TMEM132B: variants seen among roughly 807,000 people sequenced by gnomAD.
TMEM132B encodes the protein transmembrane protein 132B.
A neutral mutation model predicts 90.8 loss-of-function variants in TMEM132B; 18 were observed. The observed-to-expected ratio is 0.20, with a 90% CI of 0.14 to 0.29. The LOEUF (loss-of-function observed/expected upper bound fraction) is 0.29, where lower values mean the gene tolerates loss of function less well. TMEM132B is among the 10% of genes least tolerant of loss of function. The pLI is 1.00. For missense variants in TMEM132B, 1,096 were observed against 1,326.8 expected (o/e 0.83, Z 2.70); for synonymous variants, 504 against 523.3 (o/e 0.96, Z 0.50).
chr12:125,419,299 A>G (rs374074402), intron 3 of TMEM132B, among the ~76,000 whole-genome samples: 7 of 152,244 alleles, frequency 4.6e-5, no homozygotes, highest in South Asian at 4.1e-4. Context: ...TAATTAAGAC[A>G]TACCCAAGAC....
At chr12:125,510,954 C>T (rs1882961406) in intron 3 of TMEM132B, among the ~76,000 whole-genome samples, 1 of 152,102 alleles carries the variant, frequency 6.6e-6, no homozygotes, top group Non-Finnish European at 1.5e-5. Flanking sequence ...GTGAACAATT[C>T]AGTCGTTTTT....
intron 5 of TMEM132B, among the ~76,000 whole-genome samples, chr12:125,626,880 A>T (rs78334474): frequency 6.7e-6 from 1 of 149,224 alleles, no homozygotes; most frequent in Non-Finnish European, 1.5e-5. Flanking sequence ...GTTTTTTCAA[A>T]TATTTTTTGA....
At chr12:125,400,677 T>C (rs575252468) in intron 2 of TMEM132B, among the ~76,000 whole-genome samples, 1 of 152,208 alleles carries the variant, frequency 6.6e-6, no homozygotes, top group Non-Finnish European at 1.5e-5. Context: ...AGGTGCTTAG[T>C]GGGAGATGCA....
At chr12:125,309,762 A>G (rs972002739) in intron 1 of TMEM132B, among the ~76,000 whole-genome samples, 3 of 152,176 alleles carry the variant, frequency 2.0e-5, no homozygotes, top group Non-Finnish European at 4.4e-5. Context: ...CTTATGATCA[A>G]TTGCTGCATA....
chr12:125,520,468 A>G (rs1167340787), intron 4 of TMEM132B, among the ~76,000 whole-genome samples: 2 of 152,142 alleles, frequency 1.3e-5, no homozygotes, highest in African/African-American at 2.4e-5. Context: ...ACTCCTTTGA[A>G]CCCTATATCT....
At chr12:125,501,150 T>C (rs1312747885) in intron 3 of TMEM132B, among the ~76,000 whole-genome samples, 1 of 152,238 alleles carries the variant, frequency 6.6e-6, no homozygotes, top group Non-Finnish European at 1.5e-5. Flanking sequence ...AACAGCTTCC[T>C]ATCTTTGAGA....
At chr12:125,438,270 C>T (rs1880758429) in intron 3 of TMEM132B, among the ~76,000 whole-genome samples, 1 of 152,160 alleles carries the variant, frequency 6.6e-6, no homozygotes, top group African/African-American at 2.4e-5. Context: ...TGGAGATTGG[C>T]AACGGCTCTG....
At chr12:125,427,155 A>G (rs1339977866) in intron 3 of TMEM132B, among the ~76,000 whole-genome samples, 2 of 152,202 alleles carry the variant, frequency 1.3e-5, no homozygotes, top group Non-Finnish European at 2.9e-5. Context: ...GTGGGGCTGG[A>G]CGATCTTAGA....
chr12:125,547,414 T>A (rs1332344985), intron 4 of TMEM132B, among the ~76,000 whole-genome samples: 1 of 152,250 alleles, frequency 6.6e-6, no homozygotes, highest in East Asian at 1.9e-4. Flanking sequence ...TCTTTTCATG[T>A]GCTTTTGGGC....
At chr12:125,563,689 C>T (rs533439072) in intron 4 of TMEM132B, among the ~76,000 whole-genome samples, 5 of 152,114 alleles carry the variant, frequency 3.3e-5, no homozygotes, top group South Asian at 2.1e-4. Context: ...ATAAGAATCC[C>T]GAGAAGAGGT....
intron 2 of TMEM132B, among the ~76,000 whole-genome samples, chr12:125,399,139 T>C (rs1444558395): frequency 6.6e-6 from 1 of 152,192 alleles, no homozygotes; most frequent in Non-Finnish European, 1.5e-5. Flanking sequence ...AGTGAGATGG[T>C]CTTATAAACC....
chr12:125,384,428 A>G (rs1878770409), intron 2 of TMEM132B, among the ~76,000 whole-genome samples: 1 of 152,164 alleles, frequency 6.6e-6, no homozygotes, highest in Non-Finnish European at 1.5e-5. Flanking sequence ...ATTAAAAATC[A>G]TTTGTATTTA....
rs560236131 is a variant in TMEM132B at position 125,519,608 on chromosome 12, A to G, written c.1276A>G (p.Ile426Val). ...IFVSQTTFVG[I>V]VPLAMDTEVL... ...CGTCAGCCAGACAACCTTCGTGGGC[A>G]TCGTCCCTCTTGCCATGGTGAGGAA... Residue 426 changes from isoleucine to valine, a missense_variant, in exon 4 of 9, where the codon ATC becomes GTC. Transcript: ENST00000682704. 47 of 1,614,112 alleles carry G rather than the reference A, an allele frequency of 2.9e-5. No individual in the cohort carries two copies. The East Asian group carries it at 1.0e-3, about 35-fold the overall frequency.
intron 2 of TMEM132B, among the ~76,000 whole-genome samples, chr12:125,390,168 C>T (rs1268532230): frequency 1.3e-5 from 2 of 152,328 alleles, no homozygotes; most frequent in South Asian, 4.1e-4. Flanking sequence ...CAAATGTGTT[C>T]ACCAAAAGAC....
Position 125,460,406 on chromosome 12 carries a change from T to G in TMEM132B, c.1106+44729T>G, listed in dbSNP as rs1026074197. Reference sequence around the variant, plus strand: ...ACTCAGGAGGCTGAGGCAGGACAATTGCTTGAACCCAGGAGGTGGAGGTTG... The same window carrying G: ...ACTCAGGAGGCTGAGGCAGGACAATGGCTTGAACCCAGGAGGTGGAGGTTG... On this transcript the variant is annotated intron_variant, in intron 3 of 8. Coordinates refer to ENST00000682704, the MANE Select transcript of TMEM132B (RefSeq NM_001366854.1). The surrounding 1 kb of genome is among the most constrained non-coding windows in gnomAD (Gnocchi z 4.4). 6.6e-6 allele frequency among the ~76,000 whole-genome samples: 1 copy of G among 151,990 alleles called. No individual in the cohort carries two copies. Among genetic ancestry groups the G allele is most frequent in the African/African-American group, 2.4e-5 (1 of 41,392 alleles).
chr12:125,638,232 A>G (rs1318827299), intron 5 of TMEM132B, among the ~76,000 whole-genome samples: 1 of 152,058 alleles, frequency 6.6e-6, no homozygotes, highest in Non-Finnish European at 1.5e-5. Flanking sequence ...GCCTCAGTCT[A>G]CTCTCCATAA....
intron 3 of TMEM132B, among the ~76,000 whole-genome samples, chr12:125,449,643 G>A (rs1348087212): frequency 6.7e-6 from 1 of 149,856 alleles, no homozygotes; most frequent in Non-Finnish European, 1.5e-5. Context: ...AGTATCTTGG[G>A]GAGTATGGTA....
intron 6 of TMEM132B, among the ~76,000 whole-genome samples, chr12:125,649,259 T>C (rs1886847152): frequency 6.6e-6 from 1 of 152,352 alleles, no homozygotes; most frequent in Admixed American, 6.5e-5. Context: ...CAAATGGAGC[T>C]GTATCCAGAC....
chr12:125,190,833 A>G (rs1479895325), intron 1 of TMEM132B, among the ~76,000 whole-genome samples: 1 of 5,932 alleles, frequency 1.7e-4, no homozygotes, highest in Non-Finnish European at 2.9e-4. Context: ...GTGATGGGGA[A>G]GGGTGGTGAT....
Sources: allele counts gnomAD v4.1 joint callset (sites outside exome capture counted in the v4.1 genomes callset), GRCh38; gene constraint gnomAD v4.1.1; non-coding constraint Gnocchi (gnomAD v3.1); transcripts MANE v1.5; gene names NCBI Gene and HGNC (gene_info 2026-07-23, HGNC 2026-07-21).